LBP: variants seen among roughly 807,000 people sequenced by gnomAD.
LBP encodes the protein lipopolysaccharide-binding protein.
LBP carries 53 observed loss-of-function variants against 56.6 expected under a neutral mutation model. That is an observed-to-expected ratio of 0.94 (90% confidence interval 0.75 to 1.18). LBP has a LOEUF of 1.18. LBP is among the 50% of genes most tolerant of loss of function. The pLI is 0.00. For missense variants in LBP, 601 were observed against 598.3 expected, an observed-to-expected ratio of 1.00 and a Z score of -0.05; for synonymous variants, 227 against 247.5, an observed-to-expected ratio of 0.92 and a Z score of 0.78.
At chr20:38,347,051 C>T (rs1193159565) in intron 1 of LBP, among the ~76,000 whole-genome samples, 2 of 152,174 alleles carry the variant, frequency 1.3e-5, no homozygotes, top group Admixed American at 6.5e-5. Context: ...TGCCTCTGAA[C>T]TGGAAGTCAG....
intron 2 of LBP, 84 bp from the exon 3 acceptor site, chr20:38,350,727 C>A: frequency 1.3e-6 from 2 of 1,486,362 alleles, no homozygotes; most frequent in Non-Finnish European, 1.8e-6. Context: ...CTAGTCCCCA[C>A]TGTGGAGAGG....
At chr20:38,373,168 A>C in intron 13 of LBP, 33 bp downstream of exon 13, 1 of 1,557,324 alleles carries the variant, frequency 6.4e-7, no homozygotes, top group Non-Finnish European at 8.9e-7. Context: ...CCAAGTCAAA[A>C]GTGAACACTG....
intron 14 of LBP, among the ~76,000 whole-genome samples, chr20:38,374,949 A>G (rs74345677): frequency 2.4e-5 from 2 of 84,654 alleles, no homozygotes; most frequent in African/African-American, 5.7e-5. Context: ...ACTCCCAGCT[A>G]ATTTTTTTTT....
chr20:38,355,471 C>A, intron 5 of LBP, 62 bp downstream of exon 5: 1 of 1,418,612 alleles, frequency 7.0e-7, no homozygotes, highest in Non-Finnish European at 1.0e-6. Flanking sequence ...GAAGACCTCA[C>A]TGACCAATGG....
intron 4 of LBP, among the ~76,000 whole-genome samples, chr20:38,355,089 C>T (rs1414122273): frequency 1.3e-5 from 2 of 152,190 alleles, no homozygotes; most frequent in Non-Finnish European, 2.9e-5. Flanking sequence ...CCCCCACCCC[C>T]CCGCAAAAGA....
intron 7 of LBP, 60 bp from the exon 8 acceptor site, chr20:38,364,504 GTAGGGGAATACC>G: frequency 7.0e-7 from 1 of 1,427,382 alleles, no homozygotes; most frequent in Non-Finnish European, 9.9e-7. Flanking sequence ...ATCGGACTGT[GTAGGGGAATACC>G]TAGCCCCTGC....
At position 38,357,341 on chromosome 20, in the gene LBP, A is replaced by G. The variant is rs958304872; in HGVS notation, c.588+1932A>G. On this transcript the variant is annotated intron_variant, in intron 5 of 14. Coordinates refer to ENST00000217407, the MANE Select transcript of LBP (RefSeq NM_004139.5). ...CTTCTAGGGCTAGGTGTCTTGGGAA[A>G]GATGGAGATCTCACCTGACCCCTGA... Among the ~76,000 whole-genome samples the G allele has an allele frequency of 1.9e-4, 29 of 152,216 alleles. 1 individual carries two copies. Among genetic ancestry groups the G allele is most frequent in the Non-Finnish European group, 3.8e-4 (26 of 68,038 alleles).
intron 5 of LBP, among the ~76,000 whole-genome samples, chr20:38,356,343 A>C (rs370717270): frequency 2.5e-5 from 3 of 120,260 alleles, no homozygotes; most frequent in East Asian, 5.1e-4. Flanking sequence ...CACACCCCCT[A>C]CATGCACACA....
intron 14 of LBP, among the ~76,000 whole-genome samples, chr20:38,376,214 A>C (rs2083957650): frequency 6.6e-6 from 1 of 152,214 alleles, no homozygotes; most frequent in Non-Finnish European, 1.5e-5. Flanking sequence ...ACCGTCTAAA[A>C]CAAAGGATGG....
At chr20:38,360,955 G>A (rs575382748) in intron 6 of LBP, among the ~76,000 whole-genome samples, 188 bp downstream of exon 6, 16 of 152,256 alleles carry the variant, frequency 1.1e-4, no homozygotes, top group Middle Eastern at 3.4e-3. Context: ...CTGAGGTCAG[G>A]AGTTCGAGAC....
At chr20:38,346,757 C>T (rs2076802781) in intron 1 of LBP, 117 bp downstream of exon 1, 2 of 1,409,664 alleles carry the variant, frequency 1.4e-6, no homozygotes, top group Non-Finnish European at 1.9e-6. Flanking sequence ...GCAGTGCCAC[C>T]TTCTGGGTCA....
chr20:38,371,945 T>C (rs1233276651), intron 12 of LBP, among the ~76,000 whole-genome samples: 1 of 152,170 alleles, frequency 6.6e-6, no homozygotes, highest in Admixed American at 6.5e-5. Context: ...GGAGGCAGGA[T>C]TTGCAGTCAG....
In LBP at chr20:38,373,128, G is replaced by T; in HGVS notation, c.1317G>T (p.Lys439Asn). The T allele has an allele frequency of 6.2e-7, 1 of 1,613,254 alleles. No homozygotes were observed. The highest frequency in any genetic ancestry group is 8.5e-7 in the Non-Finnish European group (1 of 1,179,198). The change falls in exon 13 of 15, where the codon AAG becomes AAT. Residue 439 changes from lysine to asparagine, a missense_variant. By Grantham distance (94) the Lys-to-Asn change is moderately conservative (BLOSUM62 0). Transcript: ENST00000217407. ...NYYILNTFYP[K>N]FNDKLAEGFP... ...ACATCCTTAACACCTTCTACCCCAA[G>T]TTCAATGGTAAGAATCACTGTGGAT...
At chr20:38,372,145 G>A (rs1356023617) in intron 12 of LBP, among the ~76,000 whole-genome samples, 1 of 152,234 alleles carries the variant, frequency 6.6e-6, no homozygotes, top group African/African-American at 2.4e-5. Context: ...GAAAATCAGT[G>A]TGGGCCAAAG....
At chr20:38,361,169 A>G (rs750046548) in intron 6 of LBP, among the ~76,000 whole-genome samples, 5 of 138,600 alleles carry the variant, frequency 3.6e-5, no homozygotes, top group Non-Finnish European at 7.7e-5. Flanking sequence ...GTCTCAACAG[A>G]AAAAAAAAAA....
chr20:38,366,099 C>T (rs1265141729), intron 8 of LBP, among the ~76,000 whole-genome samples: 1 of 152,114 alleles, frequency 6.6e-6, no homozygotes. Context: ...TCTTGAAGCA[C>T]TTCATAAAAG....
intron 3 of LBP, among the ~76,000 whole-genome samples, chr20:38,351,384 C>T (rs6025083): frequency 0.49 from 74,823 of 151,826 alleles, 19,129 homozygotes; most frequent in Non-Finnish European, 0.55. Context: ...TCAGGGACAG[C>T]GGAGAACACG....
At chr20:38,361,538 G>A (rs2076860205) in intron 6 of LBP, among the ~76,000 whole-genome samples, 1 of 151,852 alleles carries the variant, frequency 6.6e-6, no homozygotes, top group Non-Finnish European at 1.5e-5. Flanking sequence ...CTGAGTAGCT[G>A]GGACTACAGG....
intron 12 of LBP, among the ~76,000 whole-genome samples, chr20:38,372,093 G>A (rs2076902731): frequency 6.6e-6 from 1 of 152,234 alleles, no homozygotes; most frequent in Admixed American, 6.5e-5. Flanking sequence ...TAGAAAAAGT[G>A]GTGAAGTAGA....
Sources: allele counts gnomAD v4.1 joint callset (sites outside exome capture counted in the v4.1 genomes callset), GRCh38; gene constraint gnomAD v4.1.1; transcripts MANE v1.5; gene names NCBI Gene and HGNC (gene_info 2026-07-23, HGNC 2026-07-21).